The following PPP3CC variants were observed in gnomAD, a reference collection of about 807,000 sequenced individuals.
PPP3CC encodes protein phosphatase 3 catalytic subunit gamma, also known as serine/threonine-protein phosphatase 2B catalytic subunit gamma isoform.
In PPP3CC, 35 loss-of-function variants were observed where a neutral mutation model predicts 60.3. The observed-to-expected ratio is 0.58, with a 90% CI of 0.44 to 0.77. The LOEUF (loss-of-function observed/expected upper bound fraction) is 0.77, where lower values mean the gene tolerates loss of function less well. Ranked by LOEUF, PPP3CC falls within the 30% of genes least tolerant of loss-of-function variation. PPP3CC has a pLI of 0.00. For synonymous variants in PPP3CC, 206 were observed against 224.3 expected (o/e 0.92, Z 0.73); for missense variants, 570 against 628.9 (o/e 0.91, Z 1.00).
At chr8:22,504,781 C>T (rs1249652659) in intron 4 of PPP3CC, among the ~76,000 whole-genome samples, 2 of 135,764 alleles carry the variant, frequency 1.5e-5, no homozygotes, top group African/African-American at 5.3e-5. Context: ...CTGGTAAAAT[C>T]ATTGCTTACT....
chr8:22,481,902 T>C (rs2132479749), intron 3 of PPP3CC, among the ~76,000 whole-genome samples: 1 of 152,322 alleles, frequency 6.6e-6, no homozygotes, highest in South Asian at 2.1e-4. Flanking sequence ...CCATGGTGTA[T>C]ATGTGCCACA....
intron 10 of PPP3CC, chr8:22,531,422 A>G: frequency 7.9e-7 from 1 of 1,269,314 alleles, no homozygotes; most frequent in Non-Finnish European, 1.1e-6. Flanking sequence ...GAATAATTTC[A>G]GAAAGGCTCT....
At chr8:22,466,618 G>C (rs1837529681) in intron 1 of PPP3CC, among the ~76,000 whole-genome samples, 1 of 152,248 alleles carries the variant, frequency 6.6e-6, no homozygotes, top group Non-Finnish European at 1.5e-5. Context: ...CTGCATAAAT[G>C]TCTTCTTTTG....
chr8:22,446,805 CAAAAAAAAAAA>C (rs34407184), intron 1 of PPP3CC, among the ~76,000 whole-genome samples: 5 of 21,958 alleles, frequency 2.3e-4, no homozygotes, highest in African/African-American at 3.3e-4. Context: ...GACTCTGTCT[CAAAAAAAAAAA>C]AAAAAAAAAA....
Position 22,532,230 on chromosome 8 carries a change from A to G in PPP3CC, c.1147A>G (p.Thr383Ala), listed in dbSNP as rs745331553. The G allele has an allele frequency of 1.9e-6, 3 of 1,609,954 alleles. No individual in the cohort carries two copies. The highest frequency in any genetic ancestry group is 2.2e-5 in the East Asian group (1 of 44,870). Residue 383 changes from threonine (T) to alanine (A), a missense_variant, in exon 11 of 14, where the codon ACT (threonine) becomes GCT (alanine). Transcript: ENST00000240139. ...TATTCTTTGTATTCTCTAAGGAAGC[A>G]CTACAGTTCGTAAGGAGATCATCAG... ...LISDDEAEGS[T>A]TVRKEIIRNK...
At chr8:22,520,505 C>CT (rs1236667984) in intron 6 of PPP3CC, among the ~76,000 whole-genome samples, 3 of 151,820 alleles carry the variant, frequency 2.0e-5, no homozygotes, top group South Asian at 2.1e-4. Context: ...CTTTTTTATT[C>CT]TTTTTTCTTT....
chr8:22,532,855 A>G, intron 11 of PPP3CC, 66 bp from the exon 12 acceptor site: 1 of 1,119,430 alleles, frequency 8.9e-7, no homozygotes, highest in Non-Finnish European at 1.2e-6. Flanking sequence ...CACTTCCTTC[A>G]ATATCTTTAA....
chr8:22,539,609 T>A, intron 13 of PPP3CC, 111 bp downstream of exon 13: 1 of 1,110,336 alleles, frequency 9.0e-7, no homozygotes, highest in Non-Finnish European at 1.3e-6. Flanking sequence ...ACTATAACAG[T>A]GAGAAAAGGT....
At chr8:22,478,204 T>C (rs904956815) in intron 3 of PPP3CC, among the ~76,000 whole-genome samples, 2 of 151,432 alleles carry the variant, frequency 1.3e-5, no homozygotes, top group African/African-American at 4.8e-5. Context: ...CTGGCTGGAG[T>C]GCAGTGGCAC....
At chr8:22,488,095 A>G (rs1435657143) in intron 3 of PPP3CC, among the ~76,000 whole-genome samples, 1 of 152,236 alleles carries the variant, frequency 6.6e-6, no homozygotes, top group East Asian at 1.9e-4. Context: ...CGTTACCTCA[A>G]AAAGGTGAGT....
intron 1 of PPP3CC, among the ~76,000 whole-genome samples, chr8:22,454,394 A>G (rs1447671805): frequency 1.3e-5 from 2 of 152,158 alleles, no homozygotes; most frequent in Non-Finnish European, 2.9e-5. Flanking sequence ...ATGCCTTCTC[A>G]TGGAATACTT....
chr8:22,526,049 G>A (rs1368771011), intron 8 of PPP3CC, among the ~76,000 whole-genome samples: 1 of 146,756 alleles, frequency 6.8e-6, no homozygotes, highest in Non-Finnish European at 1.5e-5. Context: ...TTTTATTTTA[G>A]TAGAGACGGG....
intron 1 of PPP3CC, among the ~76,000 whole-genome samples, chr8:22,445,364 AG>A (rs1482695278): frequency 1.3e-5 from 2 of 152,026 alleles, no homozygotes; most frequent in African/African-American, 4.8e-5. Flanking sequence ...GGATTTACCG[AG>A]GGTTTAAAAT....
intron 1 of PPP3CC, among the ~76,000 whole-genome samples, chr8:22,464,410 C>T (rs1356645068): frequency 2.6e-5 from 4 of 152,234 alleles, no homozygotes; most frequent in Admixed American, 2.6e-4. Context: ...GACAGGGTCT[C>T]GCTCAGCTGT....
rs763694932 is a variant in PPP3CC at position 22,475,133 on chromosome 8, G to A, written c.229G>A (p.Val77Ile). ...GAGGCAAGAGAAGACTATGATAGAA[G>A]TAGATGCTCCAATCACAGGTATAAA... ...ILRQEKTMIE[V>I]DAPITVCGDI... The change falls in exon 2 of 14, where the codon GTA (valine) becomes ATA (isoleucine). Residue 77 changes from valine to isoleucine, a missense_variant. Transcript: ENST00000240139. The A allele has an allele frequency of 1.6e-5, 26 of 1,611,640 alleles. 1 individual carries two copies. The Middle Eastern group carries it at 9.9e-4, about 61-fold the overall frequency.
intron 8 of PPP3CC, 44 bp from the exon 9 acceptor site, chr8:22,527,348 C>G: frequency 6.2e-7 from 1 of 1,604,092 alleles, no homozygotes; most frequent in Non-Finnish European, 8.5e-7. Flanking sequence ...ACTTGCCATG[C>G]CATGTTCCTC....
At chr8:22,454,550 T>A (rs1837134750) in intron 1 of PPP3CC, among the ~76,000 whole-genome samples, 1 of 152,214 alleles carries the variant, frequency 6.6e-6, no homozygotes, top group South Asian at 2.1e-4. Flanking sequence ...TTGTTATCGT[T>A]ATATGACTGG....
At position 22,441,298 on chromosome 8, in the gene PPP3CC, C is replaced by G; in HGVS notation, c.-112C>G. On this transcript the variant is annotated 5_prime_UTR_variant, in exon 1 of 14. Coordinates refer to ENST00000240139, the MANE Select transcript of PPP3CC (RefSeq NM_005605.5). The stretch of plus-strand genomic sequence containing the variant: ...ACACCGCTGAGGAGCCGGGGCCGGG[C>G]ACGGCTGGCTGACGGCTCCGGGCAG... 1 of 1,084,190 alleles carries G rather than the reference C, an allele frequency of 9.2e-7. No homozygotes were observed. The highest frequency in any genetic ancestry group is 1.7e-5 in the African/African-American group (1 of 59,006). The allele number at this position is 1,084,190 out of a possible 1,614,324, so 67.2% of individuals were successfully genotyped here. A position where few individuals can be genotyped will look rare whatever the true frequency, so the allele number is the denominator to read the frequency against.
At chr8:22,512,119 CTCTG>C (rs1417757683) in intron 5 of PPP3CC, among the ~76,000 whole-genome samples, 1 of 152,100 alleles carries the variant, frequency 6.6e-6, no homozygotes, top group African/African-American at 2.4e-5. Context: ...CTACCTGTCT[CTCTG>C]TCTTTTTTAA....
Sources: allele counts gnomAD v4.1 joint callset (sites outside exome capture counted in the v4.1 genomes callset), GRCh38; gene constraint gnomAD v4.1.1; transcripts MANE v1.5; gene names NCBI Gene and HGNC (gene_info 2026-07-23, HGNC 2026-07-21).